FSHR: variants seen among roughly 807,000 people sequenced by gnomAD.
FSHR encodes the protein follicle stimulating hormone receptor, also known as follicle-stimulating hormone receptor.
A neutral mutation model predicts 52.1 loss-of-function variants in FSHR; 46 were observed. The ratio of observed to expected loss-of-function variants is 0.88; its 90% CI spans 0.70 to 1.13. The LOEUF is 1.13. FSHR is among the 50% of genes most tolerant of loss of function. The pLI, the probability that FSHR is intolerant of heterozygous loss-of-function variation, is 0.00. For synonymous variants in FSHR, 399 were observed against 309.6 expected (o/e 1.29, Z -3.03); for missense variants, 964 against 834.6 (o/e 1.16, Z -1.91).
chr2:49,118,355 T>A (rs988972245), intron 1 of FSHR, among the ~76,000 whole-genome samples: 1 of 152,044 alleles, frequency 6.6e-6, no homozygotes, highest in African/African-American at 2.4e-5. Flanking sequence ...TTTCTCCCCC[T>A]CCTCAACTCA....
Position 48,962,301 on chromosome 2 carries a change from G to A in FSHR, c.*432C>T. The A allele has an allele frequency of 9.5e-6, 2 of 211,226 alleles. No individual in the cohort carries two copies. Among genetic ancestry groups the A allele is most frequent in the South Asian group, 1.5e-4 (2 of 13,482 alleles). The allele number at this position is 211,226 out of a possible 1,614,324, so 13.1% of individuals were successfully genotyped here. A position where few individuals can be genotyped will look rare whatever the true frequency, so the allele number is the denominator to read the frequency against. On this transcript the variant is annotated 3_prime_UTR_variant, in exon 10 of 10. Transcript: ENST00000406846. ...ATGGTGCTTCTCTGGGAAATTCTCT[G>A]GGAGTCGGAATACCTAATCCTGGCT... is the stretch of plus-strand genomic sequence containing the variant.
At chr2:48,980,915 G>A (rs1318516122) in intron 8 of FSHR, among the ~76,000 whole-genome samples, 1 of 152,032 alleles carries the variant, frequency 6.6e-6, no homozygotes, top group Non-Finnish European at 1.5e-5. Context: ...ATTGTACCTG[G>A]TACAGGTCAC....
intron 1 of FSHR, among the ~76,000 whole-genome samples, chr2:49,081,537 T>C (rs748893806): frequency 1.3e-5 from 2 of 152,196 alleles, no homozygotes; most frequent in Non-Finnish European, 2.9e-5. Context: ...ATTAATTCAT[T>C]TGTTTTTAAA....
chr2:49,140,779 G>A (rs1213694548), intron 1 of FSHR, among the ~76,000 whole-genome samples: 3 of 151,988 alleles, frequency 2.0e-5, no homozygotes, highest in African/African-American at 7.3e-5. Flanking sequence ...ATGAGGTCAT[G>A]ATAGATCAAT....
intron 4 of FSHR, chr2:48,997,357 A>C (rs1676068847): frequency 1.0e-6 from 1 of 985,188 alleles, no homozygotes; most frequent in Non-Finnish European, 1.2e-6. Flanking sequence ...ACTCCTTAGT[A>C]ATCAGGGGAA....
intron 2 of FSHR, among the ~76,000 whole-genome samples, chr2:49,047,177 A>T (rs1572676325): frequency 6.6e-6 from 1 of 152,140 alleles, no homozygotes; most frequent in Non-Finnish European, 1.5e-5. Flanking sequence ...ACCACCCTTT[A>T]TCTCCCAAGT....
chr2:49,074,230 A>C (rs1445025444), intron 1 of FSHR, among the ~76,000 whole-genome samples: 1 of 152,106 alleles, frequency 6.6e-6, no homozygotes, highest in Non-Finnish European at 1.5e-5. Flanking sequence ...AAAGAAAACA[A>C]AAAACAGAAT....
At chr2:48,981,307 C>T (rs1675237873) in intron 8 of FSHR, among the ~76,000 whole-genome samples, 1 of 152,154 alleles carries the variant, frequency 6.6e-6, no homozygotes, top group African/African-American at 2.4e-5. Flanking sequence ...TATAAGCTTT[C>T]TATGAGGAGG....
chr2:49,091,216 T>G (rs9941637), intron 1 of FSHR, among the ~76,000 whole-genome samples: 1 of 151,942 alleles, frequency 6.6e-6, no homozygotes, highest in East Asian at 1.9e-4. Flanking sequence ...CTAGTGTTTT[T>G]GTCTAAGTTT....
At chr2:49,022,610 T>C (rs746449238) in intron 2 of FSHR, among the ~76,000 whole-genome samples, 1 of 152,154 alleles carries the variant, frequency 6.6e-6, no homozygotes, top group Non-Finnish European at 1.5e-5. Context: ...GTCTCCACAT[T>C]AATAAATGGT....
chr2:49,147,428 C>T (rs1241128738), intron 1 of FSHR, among the ~76,000 whole-genome samples: 1 of 152,044 alleles, frequency 6.6e-6, no homozygotes, highest in African/African-American at 2.4e-5. Context: ...AAATGAATTT[C>T]CCATTTGCTG....
chr2:49,079,034 C>T (rs1670061741), intron 1 of FSHR, among the ~76,000 whole-genome samples: 1 of 152,074 alleles, frequency 6.6e-6, no homozygotes, highest in African/African-American at 2.4e-5. Flanking sequence ...TACGACATCA[C>T]TATGACAGCT....
At chr2:48,992,201 A>G (rs1675814466) in intron 4 of FSHR, among the ~76,000 whole-genome samples, 1 of 152,044 alleles carries the variant, frequency 6.6e-6, no homozygotes, top group South Asian at 2.1e-4. Context: ...ATATACAGAA[A>G]AATAAACTCT....
In FSHR at chr2:49,134,823, C is replaced by A. The variant is rs541670422; in HGVS notation, c.152+19443G>T. ...AGTAAACTATCGCAAGAACAAAAAACCAAACACCGCATATTCTCACTCATA... is the reference window on the plus strand; with the variant it reads ...AGTAAACTATCGCAAGAACAAAAAAACAAACACCGCATATTCTCACTCATA... On this transcript the variant is annotated intron_variant, in intron 1 of 9. Transcript: ENST00000406846. 5.9e-4 allele frequency among the ~76,000 whole-genome samples: 90 copies of A among 152,136 alleles called. 1 individual carries two copies. The highest frequency in any genetic ancestry group is 2.1e-3 in the African/African-American group (89 of 41,500).
intron 1 of FSHR, among the ~76,000 whole-genome samples, chr2:49,146,586 C>A (rs1558467263): frequency 1.3e-5 from 2 of 152,038 alleles, no homozygotes; most frequent in Admixed American, 1.3e-4. Flanking sequence ...AACATGCTCA[C>A]TCTCTAAATC....
At chr2:49,114,111 A>T (rs1391107017) in intron 1 of FSHR, among the ~76,000 whole-genome samples, 4 of 152,110 alleles carry the variant, frequency 2.6e-5, no homozygotes, top group Non-Finnish European at 5.9e-5. Flanking sequence ...AAAATCCATC[A>T]TCTTACTCCC....
chr2:49,149,941 A>G (rs1452499809), intron 1 of FSHR, among the ~76,000 whole-genome samples: 2 of 152,072 alleles, frequency 1.3e-5, no homozygotes, highest in Non-Finnish European at 2.9e-5. Flanking sequence ...ATGACCATCA[A>G]TAGACCCTTT....
chr2:49,127,414 A>G (rs1179774738), intron 1 of FSHR, among the ~76,000 whole-genome samples: 2 of 152,152 alleles, frequency 1.3e-5, no homozygotes, highest in Admixed American at 1.3e-4. Context: ...GTAGATGAGA[A>G]GTAGCAAGAA....
At chr2:49,061,697 TTATA>T (rs1349296660) in intron 2 of FSHR, among the ~76,000 whole-genome samples, 91 of 140,342 alleles carry the variant, frequency 6.5e-4, no homozygotes, top group African/African-American at 2.0e-3. Flanking sequence ...ATATTTATAT[TTATA>T]TATATTATAT....
Sources: allele counts gnomAD v4.1 joint callset (sites outside exome capture counted in the v4.1 genomes callset), GRCh38; gene constraint gnomAD v4.1.1; transcripts MANE v1.5; gene names NCBI Gene and HGNC (gene_info 2026-07-23, HGNC 2026-07-21).